CROCC: variants seen among roughly 807,000 people sequenced by gnomAD.
The protein encoded by CROCC is rootletin.
CROCC carries 180 observed loss-of-function variants against 245.2 expected under a neutral mutation model. That is an observed-to-expected ratio of 0.73 (90% CI 0.65 to 0.83). The LOEUF (loss-of-function observed/expected upper bound fraction) is 0.83, where lower values mean the gene tolerates loss of function less well. Ranked by LOEUF, CROCC falls within the 40% of genes least tolerant of loss-of-function variation. The pLI is 0.00. For missense variants in CROCC, 2,688 were observed against 2,779.4 expected (o/e 0.97, Z 0.74); for synonymous variants, 1,205 against 1,241.6 (o/e 0.97, Z 0.62).
rs377043084 is a variant in CROCC at position 16,930,416 on chromosome 1, G to A, written c.684-13G>A. 5.6e-6 allele frequency: 9 copies of A among 1,611,358 alleles called. No homozygotes were observed. Among genetic ancestry groups the A allele is most frequent in the Non-Finnish European group, 7.6e-6 (9 of 1,179,750 alleles). Reference sequence around the variant, plus strand: ...CTGCGCGAGCGCCTACTGATCCCCTGTGCCCCATTCAGGAGTGCCAGCCTG... The same window carrying A: ...CTGCGCGAGCGCCTACTGATCCCCTATGCCCCATTCAGGAGTGCCAGCCTG... On this transcript the variant is annotated splice_polypyrimidine_tract_variant and intron_variant, in intron 6 of 36. Coordinates refer to ENST00000375541, the MANE Select transcript of CROCC (RefSeq NM_014675.5).
rs79076842 is a variant in CROCC at position 16,939,969 on chromosome 1, G to T, written c.1684G>T (p.Glu562Ter). Reference protein sequence around the residue: ...LRKQLSDSESERRALEEQLQR... With the variant: ...LRKQLSDSES ...GAAGCAGCTTAGCGACAGCGAGAGC[G>T]AGCGGCGGGCCCTAGAGGAACAGCT... is the stretch of plus-strand genomic sequence containing the variant. The change falls in exon 13 of 37, where the codon GAG (glutamate) becomes TAG (stop). Residue 562 changes from glutamate to a stop codon, truncating the protein, a stop_gained. Transcript: ENST00000375541. LOFTEE classifies it high-confidence loss of function. 2 of 1,612,500 alleles carry T rather than the reference G, an allele frequency of 1.2e-6. No individual in the cohort carries two copies.
At position 16,930,043 on chromosome 1, in the gene CROCC, C is replaced by T. The variant is rs760257698; in HGVS notation, c.537+12C>T. On this transcript the variant is annotated intron_variant, in intron 4 of 36. Transcript: ENST00000375541. ...GGCTGCAGGGCAAGGTCAGGACCAC[C>T]CACTCCTGCTCCTGTCCTCCCACCT... 8 of 1,568,868 alleles carry T rather than the reference C, an allele frequency of 5.1e-6. No homozygotes were observed. The highest frequency in any genetic ancestry group is 6.0e-6 in the Non-Finnish European group (7 of 1,160,678).
chr1:16,951,376 C>G (rs1350612972), intron 20 of CROCC: 9 of 336,008 alleles, frequency 2.7e-5, no homozygotes, highest in Non-Finnish European at 3.8e-5. Context: ...AAATACTGAC[C>G]TAATGTACAG....
chr1:16,938,330 G>C (rs1005135134), intron 10 of CROCC, 70 bp from the exon 11 acceptor site: 15 of 1,413,252 alleles, frequency 1.1e-5, no homozygotes, highest in Admixed American at 2.1e-5. Context: ...GGGCCAGGTA[G>C]GGAGGGAAAG....
intron 21 of CROCC, 75 bp downstream of exon 21, chr1:16,953,556 T>C (rs80127908): frequency 0.18 from 254,027 of 1,393,864 alleles, 25,080 homozygotes; most frequent in African/African-American, 0.33. Flanking sequence ...GCTCTGCCAC[T>C]TGGCAGCTAG....
intron 3 of CROCC, among the ~76,000 whole-genome samples, chr1:16,927,232 A>G (rs1303173607): frequency 6.6e-6 from 1 of 152,260 alleles, no homozygotes; most frequent in Non-Finnish European, 1.5e-5. Context: ...CAGATGCCAC[A>G]CAACCCCACA....
chr1:16,927,556 C>T (rs1204061224), intron 3 of CROCC, among the ~76,000 whole-genome samples: 6 of 152,264 alleles, frequency 3.9e-5, no homozygotes, highest in Non-Finnish European at 1.5e-5. Context: ...CCACAGATGC[C>T]GCCTTAGCCG....
At chr1:16,934,342 C>T (rs1379537301) in intron 8 of CROCC, among the ~76,000 whole-genome samples, 4 of 152,198 alleles carry the variant, frequency 2.6e-5, no homozygotes, top group African/African-American at 9.7e-5. Flanking sequence ...CTCTGTTGCC[C>T]AGGCTGGAGT....
intron 30 of CROCC, among the ~76,000 whole-genome samples, chr1:16,967,770 GC>G (rs946543817): frequency 2.5e-4 from 38 of 152,272 alleles, no homozygotes; most frequent in African/African-American, 8.9e-4. Flanking sequence ...GAACAGCAGG[GC>G]CCCCTCAGAA....
chr1:16,950,912 T>C, intron 19 of CROCC, 41 bp from the exon 20 acceptor site: 1 of 1,466,826 alleles, frequency 6.8e-7, no homozygotes, highest in Non-Finnish European at 9.0e-7. Flanking sequence ...AAGGAAAAGT[T>C]TCAACCCAAC....
rs7364987 is a variant in CROCC at position 16,944,954 on chromosome 1, C to T, written c.1992-508C>T. ...TGAAGTTTGTATCCTTAAAACAGGC[C>T]GGGCGCAGTGGCTCACGCCTGTAAT... is the stretch of plus-strand genomic sequence containing the variant. On this transcript the variant is annotated intron_variant, in intron 14 of 36. Coordinates refer to ENST00000375541, the MANE Select transcript of CROCC (RefSeq NM_014675.5). Among the ~76,000 whole-genome samples, 1,210 of 151,552 alleles carry T rather than the reference C, an allele frequency of 8.0e-3. 1 individual carries two copies. Among genetic ancestry groups the T allele is most frequent in the African/African-American group, 0.02 (826 of 40,906 alleles).
rs1316756132 is a variant in CROCC at position 16,944,592 on chromosome 1, T to C, written c.1991+310T>C. ...TTAGTTAGAAGAATAATAATATCCT[T>C]ACTAATTTCACTAAGTGCCAGATAC... On this transcript the variant is annotated intron_variant, in intron 14 of 36. Coordinates refer to ENST00000375541, the MANE Select transcript of CROCC (RefSeq NM_014675.5). 2.6e-5 allele frequency among the ~76,000 whole-genome samples: 4 copies of C among 152,424 alleles called. No homozygotes were observed. In the East Asian group the frequency reaches 7.7e-4, roughly 29 times the overall value.
rs569786398 is a variant in CROCC, at chr1:16,930,366, G to C, written c.683+19G>C. The C allele has an allele frequency of 1.9e-6, 3 of 1,611,122 alleles. No homozygotes were observed. The highest frequency in any genetic ancestry group is 4.5e-5 in the East Asian group (2 of 44,884). On this transcript the variant is annotated intron_variant, in intron 6 of 36. Coordinates refer to ENST00000375541, the MANE Select transcript of CROCC (RefSeq NM_014675.5). ...AGCAGAGGTGAGGGCGCAGCAGGGAGGGCCAGGGCTGGCAGGATGGCCCCC... is the reference window on the plus strand; with the variant it reads ...AGCAGAGGTGAGGGCGCAGCAGGGACGGCCAGGGCTGGCAGGATGGCCCCC...
At chr1:16,922,940 T>A in intron 2 of CROCC, 142 bp downstream of exon 2, 1 of 1,293,558 alleles carries the variant, frequency 7.7e-7, no homozygotes, top group Non-Finnish European at 1.1e-6. Context: ...AGAACCCATT[T>A]TACAGATGAG....
At chr1:16,942,171 T>G (rs1306898874) in intron 13 of CROCC, among the ~76,000 whole-genome samples, 4 of 152,248 alleles carry the variant, frequency 2.6e-5, no homozygotes, top group Admixed American at 1.3e-4. Flanking sequence ...CCACCACGCC[T>G]GCCTAATTTT....
chr1:16,948,827 C>A lies in CROCC; in HGVS notation c.2737C>A (p.Leu913Met). ...GGAGAAGGAAGCCCTGGAGGGCAGC[C>A]TGTTTGAGGTGCAACGGCAGCTGGC... ...RLEKEALEGS[L>M]FEVQRQLAQL... Residue 913 changes from leucine to methionine, a missense_variant, in exon 19 of 37, where the codon CTG becomes ATG. Physicochemically the swap from Leu to Met is conservative, Grantham distance 15. This residue lies in a region of CROCC where 26 missense variants were observed against 40.3 expected (regional missense o/e 0.64). Coordinates refer to ENST00000375541, the MANE Select transcript of CROCC (RefSeq NM_014675.5). The A allele has an allele frequency of 6.2e-7, 1 of 1,611,722 alleles. No homozygotes were observed. The highest frequency in any genetic ancestry group is 8.5e-7 in the Non-Finnish European group (1 of 1,179,876).
At chr1:16,922,124 T>C in intron 1 of CROCC, 46 bp downstream of exon 1, 2 of 1,485,816 alleles carry the variant, frequency 1.3e-6, no homozygotes, top group South Asian at 2.6e-5. Flanking sequence ...CGGGGCAGCG[T>C]GGACTTAACA....
rs866036300 is a variant in CROCC at position 16,923,541 on chromosome 1, C to T, written c.196+743C>T. Among the ~76,000 whole-genome samples the T allele has an allele frequency of 1.1e-3, 163 of 152,378 alleles. 1 individual carries two copies. The highest frequency in any genetic ancestry group is 0.01 in the Middle Eastern group (3 of 294). ...CCGCTGGCCTTTCTTTCCCTCTTCT[C>T]TCTTTCTCCTTCTCCTCACAACCTG... On this transcript the variant is annotated intron_variant, in intron 2 of 36. Coordinates refer to ENST00000375541, the MANE Select transcript of CROCC (RefSeq NM_014675.5).
Position 16,924,415 on chromosome 1 carries a change from T to C in CROCC, c.287T>C (p.Leu96Pro). The C allele has an allele frequency of 1.2e-6, 2 of 1,613,378 alleles. No individual in the cohort carries two copies. The highest frequency in any genetic ancestry group is 1.7e-6 in the Non-Finnish European group (2 of 1,179,924). The change falls in exon 3 of 37, where the codon CTG becomes CCG. Residue 96 changes from leucine to proline, a missense_variant. Physicochemically the swap from Leu to Pro is moderately conservative, Grantham distance 98. This residue lies in a region of CROCC where 972 missense variants were observed against 895.3 expected (regional missense o/e 1.09). Transcript: ENST00000375541. ...LQQELSRVED[L>P]LAQSRAERDE... is the part of the protein sequence containing the mutation. ...CAGGAGCTGTCCCGCGTGGAGGACC[T>C]GCTGGCCCAGAGCCGTGCCGAGCGC...
Sources: gnomAD v4.1 joint callset for allele counts (sites outside exome capture counted in the v4.1 genomes callset) on GRCh38, gnomAD v4.1.1 for gene constraint, gnomAD v4.1.1 regional missense constraint, MANE v1.5 for transcripts, NCBI Gene and HGNC (gene_info 2026-07-23, HGNC 2026-07-21) for gene names.